Variants in RSC1A1 observed in about 807,000 individuals in gnomAD.
The protein encoded by RSC1A1 is regulatory solute carrier protein family 1 member 1.
Under a neutral mutation model 7.7 loss-of-function variants are expected in RSC1A1, and 6 were observed. The ratio of observed to expected loss-of-function variants is 0.78; its 90% CI spans 0.43 to 1.53. The LOEUF (loss-of-function observed/expected upper bound fraction) is 1.53. Among genes scored for constraint, RSC1A1 ranks in the 40% most tolerant of loss-of-function variants. The pLI, the probability that RSC1A1 is intolerant of heterozygous loss-of-function variation, is 0.01. For missense variants in RSC1A1, 729 were observed against 726.3 expected (o/e 1.00, Z -0.04); for synonymous variants, 250 against 263.0 (o/e 0.95, Z 0.48).
Position 15,660,557 on chromosome 1 carries a change from C to T in RSC1A1, c.689C>T (p.Ala230Val), listed in dbSNP as rs139189348. The T allele has an allele frequency of 3.6e-5, 58 of 1,612,846 alleles. No homozygotes were observed. In the Admixed American group the frequency reaches 3.9e-4, roughly 11 times the overall value. ...CCACAGAATGTGGATCCTCCAAGTG[C>T]GAAGAAAAGTATTCCATCTTCAGAA... ...GLPQNVDPPSAKKSIPSSECS... is the reference protein window; with the variant it reads ...GLPQNVDPPSVKKSIPSSECS... The change falls in exon 1 of 1, where the codon GCG (alanine) becomes GTG (valine). Residue 230 changes from alanine to valine, a missense_variant. By Grantham distance (64) the Ala-to-Val change is moderately conservative (BLOSUM62 0). Coordinates refer to ENST00000345034, the MANE Select transcript of RSC1A1 (RefSeq NM_006511.3).
Position 15,661,571 on chromosome 1 carries a change from C to G in RSC1A1, c.1703C>G (p.Pro568Arg), listed in dbSNP as rs752233971. The G allele has an allele frequency of 8.1e-6, 13 of 1,614,218 alleles. No homozygotes were observed. In the South Asian group the frequency reaches 1.3e-4, roughly 16 times the overall value. ...CCATCATCAAGTCCTGCCATTCTTC[C>G]ACCATTGATTTTTCCTGCCACAGAT... is the stretch of plus-strand genomic sequence containing the variant. Reference protein sequence around the residue: ...SHPSSSPAILPPLIFPATDID... With the variant: ...SHPSSSPAILRPLIFPATDID... The change falls in exon 1 of 1, where the codon CCA (proline) becomes CGA (arginine). Residue 568 changes from proline to arginine, a missense_variant. Coordinates refer to ENST00000345034, the MANE Select transcript of RSC1A1 (RefSeq NM_006511.3).
rs1335238653 is a variant in RSC1A1, at chr1:15,660,684, CAAG to C, written c.819_821del (p.Lys273del). 1 of 1,614,048 alleles carries C rather than the reference CAAG, an allele frequency of 6.2e-7. No homozygotes were observed. The highest frequency in any genetic ancestry group is 8.5e-7 in the Non-Finnish European group (1 of 1,180,042). ...CAACAGGCAGGCAGAATGCCAATGT[CAAG>C]AACATTGGTGCATTGGATCTCACTT... On this transcript the variant is annotated inframe_deletion, in exon 1 of 1. Coordinates refer to ENST00000345034, the MANE Select transcript of RSC1A1 (RefSeq NM_006511.3).
chr1:15,660,154 C>A lies in RSC1A1; in HGVS notation c.286C>A (p.Pro96Thr). The change falls in exon 1 of 1, where the codon CCT becomes ACT. Residue 96 changes from proline (P) to threonine (T), a missense_variant. Pro to Thr is a conservative substitution (Grantham distance 38, BLOSUM62 -1). Transcript: ENST00000345034. ...HAPTDQSPAM[P>T]MQNSSEEITV... Reference sequence around the variant, plus strand: ...TCCAACAGACCAGAGTCCAGCTATGCCTATGCAGAATTCATCCGAAGAAAT... The same window carrying A: ...TCCAACAGACCAGAGTCCAGCTATGACTATGCAGAATTCATCCGAAGAAAT... 6.2e-7 allele frequency: 1 copy of A among 1,614,198 alleles called. No homozygotes were observed.
rs749825606 is a variant in RSC1A1, at chr1:15,661,596, T to C, written c.1728T>C (p.Asp576=). 1 of 1,614,170 alleles carries C rather than the reference T, an allele frequency of 6.2e-7. No individual in the cohort carries two copies. Among genetic ancestry groups the C allele is most frequent in the Non-Finnish European group, 8.5e-7 (1 of 1,180,040 alleles). Residue 576 remains aspartate (D), a synonymous_variant, in exon 1 of 1, where the codon GAT becomes GAC. Coordinates refer to ENST00000345034, the MANE Select transcript of RSC1A1 (RefSeq NM_006511.3). ...CACCATTGATTTTTCCTGCCACAGA[T>C]ATTGACCGCATTCTCCGTGCTGGCT... The part of the protein sequence containing the change: ...ILPPLIFPAT[D]IDRILRAGFT...
Position 15,661,223 on chromosome 1 carries a change from G to A in RSC1A1, c.1355G>A (p.Gly452Asp). 1 of 1,614,132 alleles carries A rather than the reference G, an allele frequency of 6.2e-7. No homozygotes were observed. The highest frequency in any genetic ancestry group is 1.7e-5 in the Admixed American group (1 of 60,010). The change falls in exon 1 of 1, where the codon GGC becomes GAC. Residue 452 changes from glycine (G) to aspartate (D), a missense_variant. By Grantham distance (94) the Gly-to-Asp change is moderately conservative. Coordinates refer to ENST00000345034, the MANE Select transcript of RSC1A1 (RefSeq NM_006511.3). The part of the protein sequence containing the change: ...ENVNFRSLGD[G>D]LSTDKEGVPK... ...GTAAACTTCAGGAGTCTAGGTGATG[G>A]CCTGTCAACCGATAAGGAAGGTGTC...
Position 15,660,863 on chromosome 1 carries a change from C to T in RSC1A1, c.995C>T (p.Pro332Leu), listed in dbSNP as rs375552353. 83 of 1,614,152 alleles carry T rather than the reference C, an allele frequency of 5.1e-5. No homozygotes were observed. The highest frequency in any genetic ancestry group is 5.3e-5 in the African/African-American group (4 of 75,054). The change falls in exon 1 of 1, where the codon CCA becomes CTA. Residue 332 changes from proline (P) to leucine (L), a missense_variant. Coordinates refer to ENST00000345034, the MANE Select transcript of RSC1A1 (RefSeq NM_006511.3). The stretch of plus-strand genomic sequence containing the variant: ...AAAGAATATGGCCATTACTCCTCTC[C>T]AAGTCTCTGTGGCAGTTGTCAGCCT... ...TNKEYGHYSS[P>L]SLCGSCQPSV...
chr1:15,659,829 C>T lies in RSC1A1; in HGVS notation c.-40C>T, dbSNP rs1463887341. ...TAATCTTTTTCCTTTCCCCTGTGTT[C>T]CATATAGAGAAAAGTGGTAAAGAAT... On this transcript the variant is annotated 5_prime_UTR_variant, in exon 1 of 1. Coordinates refer to ENST00000345034, the MANE Select transcript of RSC1A1 (RefSeq NM_006511.3). The T allele has an allele frequency of 6.6e-7, 1 of 1,519,442 alleles. No homozygotes were observed. Among genetic ancestry groups the T allele is most frequent in the Non-Finnish European group, 8.8e-7 (1 of 1,140,990 alleles). 94.1% of individuals were successfully genotyped at this position (1,519,442 alleles called of 1,614,324 possible).
Position 15,660,179 on chromosome 1 carries a change from T to A in RSC1A1, c.311T>A (p.Ile104Lys). The A allele has an allele frequency of 6.2e-7, 1 of 1,614,184 alleles. No homozygotes were observed. The highest frequency in any genetic ancestry group is 8.5e-7 in the Non-Finnish European group (1 of 1,180,038). Residue 104 changes from isoleucine to lysine, a missense_variant, in exon 1 of 1, where the codon ATA becomes AAA. Coordinates refer to ENST00000345034, the MANE Select transcript of RSC1A1 (RefSeq NM_006511.3). Reference protein sequence around the residue: ...AMPMQNSSEEITVAGNLEKSA... With the variant: ...AMPMQNSSEEKTVAGNLEKSA... Reference sequence around the variant, plus strand: ...CCTATGCAGAATTCATCCGAAGAAATAACTGTTGCAGGTAATCTGGAGAAA... The same window carrying A: ...CCTATGCAGAATTCATCCGAAGAAAAAACTGTTGCAGGTAATCTGGAGAAA...
rs1640337912 is a variant in RSC1A1, at chr1:15,660,004, G to A, written c.136G>A (p.Asp46Asn). The A allele has an allele frequency of 1.2e-6, 2 of 1,614,174 alleles. No individual in the cohort carries two copies. Among genetic ancestry groups the A allele is most frequent in the South Asian group, 1.1e-5 (1 of 91,074 alleles). Residue 46 changes from aspartate to asparagine, a missense_variant, in exon 1 of 1, where the codon GAT (aspartate) becomes AAT (asparagine). By Grantham distance (23) the Asp-to-Asn change is conservative. Transcript: ENST00000345034. The stretch of plus-strand genomic sequence containing the variant: ...CTGCCCTATCAAGCCCAGTGACTCA[G>A]ATCGCATTGAACCTAAAGCTGTGAA... ...SVCPIKPSDS[D>N]RIEPKAVKAL...
In RSC1A1 at chr1:15,660,604, G is replaced by A. The variant is rs763737300; in HGVS notation, c.736G>A (p.Glu246Lys). The change falls in exon 1 of 1, where the codon GAA (glutamate) becomes AAA (lysine). Residue 246 changes from glutamate to lysine, a missense_variant. By Grantham distance (56) the Glu-to-Lys change is moderately conservative. Coordinates refer to ENST00000345034, the MANE Select transcript of RSC1A1 (RefSeq NM_006511.3). Reference protein sequence around the residue: ...SSECSGCSNSETFMEIDTAQQ... With the variant: ...SSECSGCSNSKTFMEIDTAQQ... ...AGAATGCAGTGGCTGCTCAAATTCA[G>A]AAACATTTATGGAAATCGATACAGC... is the stretch of plus-strand genomic sequence containing the variant. 3 of 1,613,996 alleles carry A rather than the reference G, an allele frequency of 1.9e-6. No homozygotes were observed. The South Asian group carries it at 3.3e-5, about 18-fold the overall frequency.
rs139412276 is a variant in RSC1A1, at chr1:15,660,626, C to G, written c.758C>G (p.Thr253Arg). ...SNSETFMEID[T>R]AQQSLVTLLN... ...TCAGAAACATTTATGGAAATCGATA[C>G]AGCTCAACAGTCCCTAGTTACTTTG... Residue 253 changes from threonine to arginine, a missense_variant, in exon 1 of 1, where the codon ACA (threonine) becomes AGA (arginine). Coordinates refer to ENST00000345034, the MANE Select transcript of RSC1A1 (RefSeq NM_006511.3). 1.9e-6 allele frequency: 3 copies of G among 1,614,074 alleles called. No homozygotes were observed. The highest frequency in any genetic ancestry group is 3.3e-5 in the Admixed American group (2 of 60,010).
In RSC1A1 at chr1:15,660,582, A is replaced by T. The variant is rs765430965; in HGVS notation, c.714A>T (p.Glu238Asp). ...CGAAGAAAAGTATTCCATCTTCAGA[A>T]TGCAGTGGCTGCTCAAATTCAGAAA... Reference protein sequence around the residue: ...PSAKKSIPSSECSGCSNSETF... With the variant: ...PSAKKSIPSSDCSGCSNSETF... Residue 238 changes from glutamate (E) to aspartate (D), a missense_variant, in exon 1 of 1, where the codon GAA becomes GAT. Glu to Asp is a conservative substitution (Grantham distance 45, BLOSUM62 2). Transcript: ENST00000345034. 13 of 1,613,840 alleles carry T rather than the reference A, an allele frequency of 8.1e-6. No homozygotes were observed. The highest frequency in any genetic ancestry group is 1.1e-5 in the Non-Finnish European group (13 of 1,179,976).
chr1:15,661,258 A>G lies in RSC1A1; in HGVS notation c.1390A>G (p.Arg464Gly), dbSNP rs1483388951. ...STDKEGVPKS[R>G]ESINKNRSVT... The stretch of plus-strand genomic sequence containing the variant: ...CGATAAGGAAGGTGTCCCCAAATCT[A>G]GGGAATCCATAAATAAGAACCGTTC... Residue 464 changes from arginine to glycine, a missense_variant, in exon 1 of 1, where the codon AGG becomes GGG. Coordinates refer to ENST00000345034, the MANE Select transcript of RSC1A1 (RefSeq NM_006511.3). The G allele has an allele frequency of 6.2e-7, 1 of 1,614,182 alleles. No homozygotes were observed. The highest frequency in any genetic ancestry group is 2.2e-5 in the East Asian group (1 of 44,876).
Position 15,661,099 on chromosome 1 carries a change from T to A in RSC1A1, c.1231T>A (p.Cys411Ser). The A allele has an allele frequency of 6.2e-7, 1 of 1,613,836 alleles. No homozygotes were observed. The change falls in exon 1 of 1, where the codon TGT becomes AGT. Residue 411 changes from cysteine (C) to serine (S), a missense_variant. Cys to Ser is a moderately radical substitution (Grantham distance 112). Coordinates refer to ENST00000345034, the MANE Select transcript of RSC1A1 (RefSeq NM_006511.3). The part of the protein sequence containing the change: ...QNEHLTQNEQ[C>S]PQVSFHQAIS... ...TGAGCATCTTACCCAGAATGAACAG[T>A]GTCCACAAGTCTCCTTTCATCAGGC...
At position 15,660,237 on chromosome 1, in the gene RSC1A1, T is replaced by G. The variant is rs760065506; in HGVS notation, c.369T>G (p.Phe123Leu). The G allele has an allele frequency of 6.3e-5, 102 of 1,614,056 alleles. No homozygotes were observed. Among genetic ancestry groups the G allele is most frequent in the African/African-American group, 8.0e-5 (6 of 74,928 alleles). The change falls in exon 1 of 1, where the codon TTT (phenylalanine) becomes TTG (leucine). Residue 123 changes from phenylalanine (F) to leucine (L), a missense_variant. Coordinates refer to ENST00000345034, the MANE Select transcript of RSC1A1 (RefSeq NM_006511.3). ...SAERSTQGLK[F>L]HLHTRQEASL... ...AAAGAAGCACCCAGGGCCTCAAATTTCATCTCCATACAAGACAGGAAGCTA... is the reference window on the plus strand; with the variant it reads ...AAAGAAGCACCCAGGGCCTCAAATTGCATCTCCATACAAGACAGGAAGCTA...
At position 15,660,893 on chromosome 1, in the gene RSC1A1, T is replaced by C; in HGVS notation, c.1025T>C (p.Val342Ala). ...CTCTGTGGCAGTTGTCAGCCTTCTGTGGAGTCAGCAGAAGAATCTTGCCCG... is the reference window on the plus strand; with the variant it reads ...CTCTGTGGCAGTTGTCAGCCTTCTGCGGAGTCAGCAGAAGAATCTTGCCCG... ...PSLCGSCQPS[V>A]ESAEESCPSI... The change falls in exon 1 of 1, where the codon GTG becomes GCG. Residue 342 changes from valine (V) to alanine (A), a missense_variant. Transcript: ENST00000345034. 1 of 1,614,046 alleles carries C rather than the reference T, an allele frequency of 6.2e-7. No individual in the cohort carries two copies. The highest frequency in any genetic ancestry group is 8.5e-7 in the Non-Finnish European group (1 of 1,179,998).
Position 15,660,332 on chromosome 1 carries a change from A to G in RSC1A1, c.464A>G (p.Glu155Gly). ...MFLGEKDWHP[E>G]NQNLSQVSDP... ...CTAGGTGAAAAGGATTGGCATCCAG[A>G]AAATCAGAACCTGAGTCAAGTGAGT... Residue 155 changes from glutamate (E) to glycine (G), a missense_variant, in exon 1 of 1, where the codon GAA (glutamate) becomes GGA (glycine). Transcript: ENST00000345034. The G allele has an allele frequency of 6.2e-7, 1 of 1,614,196 alleles. No homozygotes were observed.
rs779055774 is a variant in RSC1A1, at chr1:15,661,141, G to C, written c.1273G>C (p.Glu425Gln). The change falls in exon 1 of 1, where the codon GAG becomes CAG. Residue 425 changes from glutamate to glutamine, a missense_variant. Coordinates refer to ENST00000345034, the MANE Select transcript of RSC1A1 (RefSeq NM_006511.3). ...SFHQAISVSV[E>Q]TEKLTGTSSD... ...TCATCAGGCCATATCTGTATCAGTG[G>C]AGACAGAAAAATTAACAGGTACTTC... 1 of 1,613,880 alleles carries C rather than the reference G, an allele frequency of 6.2e-7. No individual in the cohort carries two copies. Among genetic ancestry groups the C allele is most frequent in the African/African-American group, 1.3e-5 (1 of 74,900 alleles).
At chr1:15,660,469 G>T in the RSC1A1 span, 1 of 1,614,044 alleles carries the variant, frequency 6.2e-7, no homozygotes, top group African/African-American at 1.3e-5. Flanking sequence ...GCTTCCTGAA[G>T]AAAGGCAACA....
Sources: gnomAD v4.1 joint callset for allele counts on GRCh38, gnomAD v4.1.1 for gene constraint, MANE v1.5 for transcripts, NCBI Gene and HGNC (gene_info 2026-07-23, HGNC 2026-07-21) for gene names.